The following PRKCA variants were observed in gnomAD, a reference collection of about 807,000 sequenced individuals.
PRKCA encodes the protein protein kinase C alpha type.
In PRKCA, 27 loss-of-function variants were observed where a neutral mutation model predicts 87.0. The ratio of observed to expected loss-of-function variants is 0.31; its 90% CI spans 0.23 to 0.43. The LOEUF is 0.43. Among genes scored for constraint, PRKCA ranks in the 20% least tolerant of loss-of-function variants. The pLI is 1.00. For synonymous variants in PRKCA, 329 were observed against 311.1 expected, an observed-to-expected ratio of 1.06 and a Z score of -0.61; for missense variants, 518 against 852.3, an observed-to-expected ratio of 0.61 and a Z score of 4.88.
At chr17:66,473,593 C>T (rs1025574944) in intron 2 of PRKCA, among the ~76,000 whole-genome samples, 2 of 152,112 alleles carry the variant, frequency 1.3e-5, no homozygotes, top group Admixed American at 1.3e-4. Context: ...CGGCACCATC[C>T]AAAATGATAA....
In PRKCA at chr17:66,713,201, G is replaced by A. The variant is rs537381637; in HGVS notation, c.919-19487G>A. ...CGAGTAGCTGGGACTACAGGCACGC[G>A]CCACCATGCCCGGCCAATTTTTTTA... On this transcript the variant is annotated intron_variant, in intron 8 of 16. Coordinates refer to ENST00000413366, the MANE Select transcript of PRKCA (RefSeq NM_002737.3). Among the ~76,000 whole-genome samples, 141 of 152,008 alleles carry A rather than the reference G, an allele frequency of 9.3e-4. 1 individual carries two copies. Among genetic ancestry groups the A allele is most frequent in the African/African-American group, 3.3e-3 (135 of 41,452 alleles).
At chr17:66,360,856 G>A (rs1370127687) in intron 2 of PRKCA, among the ~76,000 whole-genome samples, 2 of 152,176 alleles carry the variant, frequency 1.3e-5, no homozygotes, top group South Asian at 2.1e-4. Context: ...AGGAAGTCTC[G>A]AAGTGAAGAG....
At chr17:66,634,299 C>T (rs932989924) in intron 3 of PRKCA, among the ~76,000 whole-genome samples, 2 of 152,086 alleles carry the variant, frequency 1.3e-5, no homozygotes, top group African/African-American at 2.4e-5. Flanking sequence ...ATTTTTTTCT[C>T]CCAACCACAT....
intron 2 of PRKCA, among the ~76,000 whole-genome samples, chr17:66,323,668 G>A (rs1244940187): frequency 3.3e-5 from 5 of 152,186 alleles, no homozygotes; most frequent in East Asian, 1.9e-4. Flanking sequence ...AGATGGGCAC[G>A]GTGGCTCATG....
chr17:66,478,225 C>T (rs1343094926), intron 2 of PRKCA, among the ~76,000 whole-genome samples: 1 of 152,080 alleles, frequency 6.6e-6, no homozygotes, highest in Non-Finnish European at 1.5e-5. Context: ...ATTCCTCTAG[C>T]TCCGTGAATC....
At chr17:66,686,678 G>T (rs181772316) in intron 5 of PRKCA, among the ~76,000 whole-genome samples, 46 of 152,264 alleles carry the variant, frequency 3.0e-4, no homozygotes, top group African/African-American at 1.1e-3. Flanking sequence ...GGGAGCTCAG[G>T]TGCGTGTGTG....
intron 2 of PRKCA, among the ~76,000 whole-genome samples, chr17:66,368,384 ATATTTTTTT>A (rs1908884210): frequency 3.7e-5 from 1 of 27,002 alleles, no homozygotes; most frequent in Non-Finnish European, 7.3e-5. Context: ...ATATATATAT[ATATTTTTTT>A]TTTTTTTTTT....
At chr17:66,579,070 A>T (rs1376847716) in intron 3 of PRKCA, among the ~76,000 whole-genome samples, 1 of 152,198 alleles carries the variant, frequency 6.6e-6, no homozygotes, top group African/African-American at 2.4e-5. Context: ...TGCTCGGAGC[A>T]TGTGCACATG....
intron 2 of PRKCA, among the ~76,000 whole-genome samples, chr17:66,343,142 G>C (rs1441132776): frequency 6.6e-6 from 1 of 151,806 alleles, no homozygotes. Context: ...TTAGGGGAGA[G>C]GGAGCATCTT....
intron 2 of PRKCA, among the ~76,000 whole-genome samples, chr17:66,406,249 G>T (rs1911368383): frequency 6.6e-6 from 1 of 152,122 alleles, no homozygotes; most frequent in African/African-American, 2.4e-5. Flanking sequence ...CGGGGTGGGG[G>T]AGGGAAAGCA....
At chr17:66,752,309 G>A (rs1252992477) in intron 13 of PRKCA, among the ~76,000 whole-genome samples, 3 of 152,160 alleles carry the variant, frequency 2.0e-5, no homozygotes, top group South Asian at 2.1e-4. Flanking sequence ...CAATAATCAC[G>A]TTGGGCTGGG....
intron 3 of PRKCA, among the ~76,000 whole-genome samples, chr17:66,512,173 A>G (rs1917261500): frequency 6.6e-6 from 1 of 152,138 alleles, no homozygotes; most frequent in Non-Finnish European, 1.5e-5. Flanking sequence ...AGGCAGATCA[A>G]ATCATTGTGT....
intron 14 of PRKCA, among the ~76,000 whole-genome samples, chr17:66,781,881 A>AGTGTG (rs1376793537): frequency 2.3e-5 from 3 of 130,318 alleles, no homozygotes; most frequent in African/African-American, 9.2e-5. Context: ...ATATATATAT[A>AGTGTG]TATATAGTGT....
chr17:66,688,214 A>G, intron 6 of PRKCA, 88 bp from the exon 7 acceptor site: 3 of 1,495,404 alleles, frequency 2.0e-6, no homozygotes, highest in Non-Finnish European at 2.7e-6. Context: ...CTATTTCTTT[A>G]TCTCAGGCTC....
At chr17:66,442,554 G>A (rs540038348) in intron 2 of PRKCA, among the ~76,000 whole-genome samples, 19 of 151,962 alleles carry the variant, frequency 1.3e-4, no homozygotes, top group Non-Finnish European at 1.2e-4. Context: ...CCTTAAACTG[G>A]CCTACAAGGC....
At chr17:66,784,815 C>T (rs537240151) in intron 14 of PRKCA, among the ~76,000 whole-genome samples, 1 of 152,152 alleles carries the variant, frequency 6.6e-6, no homozygotes, top group Non-Finnish European at 1.5e-5. Flanking sequence ...GCACAGGTAG[C>T]TGTCCCTGCT....
At chr17:66,565,335 A>G (rs1028305623) in intron 3 of PRKCA, among the ~76,000 whole-genome samples, 12 of 152,106 alleles carry the variant, frequency 7.9e-5, no homozygotes, top group Non-Finnish European at 1.5e-4. Context: ...AGCTGCTCTA[A>G]AGTTCAATTT....
At chr17:66,723,805 C>T (rs1973675530) in intron 8 of PRKCA, among the ~76,000 whole-genome samples, 1 of 152,104 alleles carries the variant, frequency 6.6e-6, no homozygotes, top group Non-Finnish European at 1.5e-5. Context: ...AGATAAGGAA[C>T]CGGGGGCTCA....
At chr17:66,339,900 A>C (rs1017053135) in intron 2 of PRKCA, 2 of 152,220 alleles carry the variant, frequency 1.3e-5, no homozygotes, top group African/African-American at 4.8e-5. Flanking sequence ...CTACCTTGAA[A>C]TCTGCCAATT....
Sources: allele counts gnomAD v4.1 joint callset (sites outside exome capture counted in the v4.1 genomes callset), GRCh38; gene constraint gnomAD v4.1.1; transcripts MANE v1.5; gene names NCBI Gene and HGNC (gene_info 2026-07-23, HGNC 2026-07-21).